ARSG: variants seen among roughly 807,000 people sequenced by gnomAD.
ARSG encodes ASG.
Under a neutral mutation model 50.5 loss-of-function variants are expected in ARSG, and 37 were observed. The observed-to-expected ratio is 0.73, with a 90% CI of 0.56 to 0.96. ARSG has a LOEUF of 0.96. Among genes scored for constraint, ARSG ranks in the 50% least tolerant of loss-of-function variants. The pLI, the probability that ARSG is intolerant of heterozygous loss-of-function variation, is 0.00. For missense variants in ARSG, 629 were observed against 675.3 expected, an observed-to-expected ratio of 0.93 and a Z score of 0.76; for synonymous variants, 225 against 254.6, an observed-to-expected ratio of 0.88 and a Z score of 1.11.
At chr17:68,313,214 T>C (rs57872330) in intron 2 of ARSG, among the ~76,000 whole-genome samples, 4,404 of 152,120 alleles carry the variant, frequency 0.029, 211 homozygotes, top group African/African-American at 0.099. Flanking sequence ...TGAGCCGAGA[T>C]TGCGCCACTG....
At chr17:68,414,696 C>A (rs2082260143) in intron 11 of ARSG, among the ~76,000 whole-genome samples, 1 of 152,072 alleles carries the variant, frequency 6.6e-6, no homozygotes, top group South Asian at 2.1e-4. Context: ...TAAAAATTAC[C>A]ATTTTAATCT....
chr17:68,273,589 C>T (rs1335759956), intron 1 of ARSG, among the ~76,000 whole-genome samples: 1 of 152,192 alleles, frequency 6.6e-6, no homozygotes, highest in African/African-American at 2.4e-5. Flanking sequence ...ACTTCCCCTA[C>T]AGCCCTGGAT....
chr17:68,323,672 G>A (rs547580412), intron 2 of ARSG, among the ~76,000 whole-genome samples: 3 of 152,166 alleles, frequency 2.0e-5, no homozygotes, highest in African/African-American at 7.2e-5. Flanking sequence ...TGGGGATTCG[G>A]GTTTCCACAT....
chr17:68,263,945 C>T (rs1438895565), intron 1 of ARSG, among the ~76,000 whole-genome samples: 4 of 152,138 alleles, frequency 2.6e-5, no homozygotes, highest in African/African-American at 9.7e-5. Flanking sequence ...GCAACCTCCA[C>T]CTCCCAGGTT....
At chr17:68,299,695 G>A (rs1017214815) in intron 1 of ARSG, among the ~76,000 whole-genome samples, 35 of 152,166 alleles carry the variant, frequency 2.3e-4, no homozygotes, top group African/African-American at 7.5e-4. Context: ...AAAGAGACAC[G>A]TGAACCAAGT....
chr17:68,328,052 C>T (rs1254213631), intron 2 of ARSG, among the ~76,000 whole-genome samples: 1 of 152,052 alleles, frequency 6.6e-6, no homozygotes, highest in Non-Finnish European at 1.5e-5. Context: ...GAATGCTGAG[C>T]TTGGTTCAGT....
chr17:68,338,321 A>G (rs2078120356), intron 2 of ARSG, among the ~76,000 whole-genome samples: 1 of 152,084 alleles, frequency 6.6e-6, no homozygotes, highest in Non-Finnish European at 1.5e-5. Flanking sequence ...GTCCTCCCTT[A>G]CATTAGGCCA....
intron 1 of ARSG, among the ~76,000 whole-genome samples, chr17:68,283,883 A>C (rs566222234): frequency 1.1e-3 from 168 of 150,358 alleles, no homozygotes; most frequent in African/African-American, 3.9e-3. Context: ...CGTCTCAAAA[A>C]AAAAAAAAAA....
intron 8 of ARSG, among the ~76,000 whole-genome samples, chr17:68,370,977 C>T (rs1029031150): frequency 6.6e-6 from 1 of 151,264 alleles, no homozygotes. Context: ...GTCTCCAGTT[C>T]TTACAAGAGT....
intron 1 of ARSG, among the ~76,000 whole-genome samples, chr17:68,283,886 A>C (rs536731087): frequency 1.8e-4 from 27 of 150,538 alleles, no homozygotes; most frequent in African/African-American, 6.6e-4. Context: ...CTCAAAAAAA[A>C]AAAAAAAAAA....
intron 6 of ARSG, among the ~76,000 whole-genome samples, chr17:68,364,032 C>T (rs1485421367): frequency 3.3e-5 from 5 of 152,172 alleles, no homozygotes; most frequent in Non-Finnish European, 5.9e-5. Flanking sequence ...TGCCTCCCTC[C>T]ACCCAGGCAC....
intron 1 of ARSG, among the ~76,000 whole-genome samples, chr17:68,292,661 G>A (rs184821804): frequency 6.6e-6 from 1 of 152,264 alleles, no homozygotes; most frequent in Non-Finnish European, 1.5e-5. Flanking sequence ...GGTCGCCACC[G>A]GGAGGAGTCG....
upstream of ARSG, among the ~76,000 whole-genome samples, chr17:68,288,262 A>T (rs2075889969): frequency 6.6e-6 from 1 of 152,032 alleles, no homozygotes; most frequent in Non-Finnish European, 1.5e-5. Context: ...AGCCTCCCAA[A>T]GTGCTGGGAT....
chr17:68,261,506 C>T (rs782164433), intron 1 of ARSG, among the ~76,000 whole-genome samples: 1 of 152,204 alleles, frequency 6.6e-6, no homozygotes, highest in South Asian at 2.1e-4. Context: ...CAGCTTCCCA[C>T]GTAGCTGGGA....
chr17:68,437,948 T>TAAAAAAAAAAAA, the ARSG span, among the ~76,000 whole-genome samples: 20 of 78,794 alleles, frequency 2.5e-4, no homozygotes, highest in South Asian at 5.6e-4. Flanking sequence ...ACATCTCTCT[T>TAAAAAAAAAAAA]AAAAAAAAAA....
intron 11 of ARSG, 67 bp downstream of exon 11, chr17:68,401,517 A>G: frequency 6.9e-7 from 1 of 1,441,182 alleles, no homozygotes; most frequent in Non-Finnish European, 9.7e-7. Flanking sequence ...ATGGACTCTC[A>G]CCCAGGCCTC....
At chr17:68,293,110 T>C (rs1555756900) in intron 1 of ARSG, among the ~76,000 whole-genome samples, 2 of 152,234 alleles carry the variant, frequency 1.3e-5, no homozygotes, top group Non-Finnish European at 2.9e-5. Context: ...GAGCCCTTTT[T>C]TGAGTTGTTC....
intron 6 of ARSG, 25 bp from the exon 7 acceptor site, chr17:68,368,523 T>A (rs1438874114): frequency 3.7e-6 from 6 of 1,609,114 alleles, no homozygotes; most frequent in Non-Finnish European, 4.2e-6. Context: ...TTCTGCAGAG[T>A]CACCTCTTGG....
chr17:68,424,451 A>G (rs77279010), downstream of ARSG: 4,798 of 534,740 alleles, frequency 9.0e-3, 186 homozygotes, highest in African/African-American at 0.083. Context: ...TCCTTTTACA[A>G]TTGGAAGCTC....
Sources: gnomAD v4.1 joint callset for allele counts (sites outside exome capture counted in the v4.1 genomes callset) on GRCh38, gnomAD v4.1.1 for gene constraint, MANE v1.5 for transcripts, NCBI Gene and HGNC (gene_info 2026-07-23, HGNC 2026-07-21) for gene names.